Variants in PAG1 observed in about 807,000 individuals in gnomAD.
PAG1 encodes phosphoprotein membrane anchor with glycosphingolipid microdomains 1.
A neutral mutation model predicts 31.7 loss-of-function variants in PAG1; 23 were observed. That is an observed-to-expected ratio of 0.73 (90% CI 0.52 to 1.03). PAG1 has a LOEUF of 1.03. Ranked by LOEUF, PAG1 falls within the 50% of genes least tolerant of loss-of-function variation. The probability of loss-of-function intolerance (pLI) is 0.00; values close to 1 mark genes in which losing one functional copy is unlikely to be tolerated. For missense variants in PAG1, 473 were observed against 540.7 expected, an observed-to-expected ratio of 0.87 and a Z score of 1.24; for synonymous variants, 214 against 210.3, an observed-to-expected ratio of 1.02 and a Z score of -0.15.
chr8:81,071,265 G>A (rs777098121), intron 1 of PAG1, among the ~76,000 whole-genome samples: 14 of 152,076 alleles, frequency 9.2e-5, no homozygotes, highest in Non-Finnish European at 1.6e-4. Flanking sequence ...TCTAAGAGCC[G>A]CCTGAATATG....
intron 1 of PAG1, among the ~76,000 whole-genome samples, chr8:81,104,077 CCA>C (rs935749231): frequency 1.3e-5 from 2 of 148,236 alleles, no homozygotes; most frequent in Admixed American, 6.6e-5. Context: ...TTTCTTCCCC[CCA>C]TCCCCTTTCC....
chr8:80,971,848 A>G lies in PAG1; in HGVS notation c.*4696T>C, dbSNP rs1807084420. 2 of 152,248 alleles carry G rather than the reference A, an allele frequency of 1.3e-5. No individual in the cohort carries two copies. The highest frequency in any genetic ancestry group is 4.1e-4 in the South Asian group (2 of 4,836). 9.4% of individuals were successfully genotyped at this position (152,248 alleles called of 1,614,324 possible). On this transcript the variant is annotated 3_prime_UTR_variant, in exon 9 of 9. Coordinates refer to ENST00000220597, the MANE Select transcript of PAG1 (RefSeq NM_018440.4). ...AAAAATGAGCAGTAGGATAAAAAAAACCATGAATGTTTGTTCTCTTCTGGA... is the reference window on the plus strand; with the variant it reads ...AAAAATGAGCAGTAGGATAAAAAAAGCCATGAATGTTTGTTCTCTTCTGGA...
At chr8:81,047,651 A>G (rs1808663491) in intron 2 of PAG1, among the ~76,000 whole-genome samples, 1 of 152,204 alleles carries the variant, frequency 6.6e-6, no homozygotes, top group Admixed American at 6.5e-5. Flanking sequence ...ACAAACTTCA[A>G]TTTTAAAAAC....
intron 2 of PAG1, among the ~76,000 whole-genome samples, chr8:81,058,247 A>C (rs890376187): frequency 6.6e-6 from 1 of 152,194 alleles, no homozygotes; most frequent in African/African-American, 2.4e-5. Flanking sequence ...AGCAGTTTTG[A>C]ACAACAGCAG....
chr8:80,984,693 T>C, intron 7 of PAG1, 83 bp downstream of exon 7: 1 of 1,303,748 alleles, frequency 7.7e-7, no homozygotes, highest in South Asian at 1.4e-5. Flanking sequence ...TTTGCAGATA[T>C]TTCCCAGAAC....
chr8:81,063,783 C>G (rs992670404), intron 2 of PAG1, among the ~76,000 whole-genome samples: 3 of 152,144 alleles, frequency 2.0e-5, no homozygotes, highest in Non-Finnish European at 4.4e-5. Context: ...GGGGAACTTA[C>G]GGACAGGGGC....
chr8:81,102,631 A>T (rs1809627250), intron 1 of PAG1, among the ~76,000 whole-genome samples: 1 of 152,212 alleles, frequency 6.6e-6, no homozygotes, highest in African/African-American at 2.4e-5. Flanking sequence ...TGTACTTTTC[A>T]TGATTCTAAT....
intron 5 of PAG1, among the ~76,000 whole-genome samples, chr8:80,989,450 C>G (rs1181390916): frequency 3.3e-5 from 5 of 152,176 alleles, no homozygotes; most frequent in African/African-American, 1.2e-4. Context: ...GATCTAGGAG[C>G]TGAAAAGCTC....
intron 2 of PAG1, among the ~76,000 whole-genome samples, chr8:81,041,635 G>T (rs900551922): frequency 6.6e-6 from 1 of 152,132 alleles, no homozygotes; most frequent in African/African-American, 2.4e-5. Context: ...ATGACTTCTT[G>T]GTTATACTTC....
intron 1 of PAG1, among the ~76,000 whole-genome samples, chr8:81,105,195 A>T (rs1809674557): frequency 1.3e-5 from 2 of 152,132 alleles, no homozygotes; most frequent in African/African-American, 4.8e-5. Context: ...GCATCCTTTA[A>T]GCACTGGTTC....
intron 2 of PAG1, among the ~76,000 whole-genome samples, chr8:81,058,911 ATCT>A (rs1808872113): frequency 6.6e-6 from 1 of 152,134 alleles, no homozygotes; most frequent in South Asian, 2.1e-4. Context: ...AATAAAATGG[ATCT>A]TCTTAACTCA....
chr8:81,011,113 C>T lies in PAG1; in HGVS notation c.-80-17806G>A, dbSNP rs148612228. 6.5e-3 allele frequency among the ~76,000 whole-genome samples: 985 copies of T among 152,248 alleles called. 15 individuals carry two copies. Among genetic ancestry groups the T allele is most frequent in the African/African-American group, 0.023 (937 of 41,558 alleles). ...TATCTGAAAGCATATTATTTATTGG[C>T]CTTTGTGTTTATTGTTGTATGTACA... is the stretch of plus-strand genomic sequence containing the variant. On this transcript the variant is annotated intron_variant, in intron 3 of 8. Coordinates refer to ENST00000220597, the MANE Select transcript of PAG1 (RefSeq NM_018440.4).
intron 3 of PAG1, among the ~76,000 whole-genome samples, chr8:80,995,098 T>C (rs1807643775): frequency 6.6e-6 from 1 of 152,146 alleles, no homozygotes; most frequent in African/African-American, 2.4e-5. Context: ...GACCAAATCA[T>C]CTCCAGGTGA....
intron 3 of PAG1, among the ~76,000 whole-genome samples, chr8:81,000,519 G>T (rs1474183999): frequency 2.6e-5 from 4 of 152,024 alleles, no homozygotes; most frequent in African/African-American, 7.3e-5. Flanking sequence ...TTACTGAATC[G>T]ATTGTAAGGA....
At position 81,085,972 on chromosome 8, in the gene PAG1, GTTTTTTTTTTTTTTT is replaced by G. The variant is rs869177030; in HGVS notation, c.-233-15817_-233-15803del. Among the ~76,000 whole-genome samples the G allele has an allele frequency of 2.9e-4, 17 of 58,876 alleles. 1 individual carries two copies. Among genetic ancestry groups the G allele is most frequent in the African/African-American group, 1.0e-3 (14 of 13,758 alleles). The allele number at this position is 58,876 out of a possible 152,430, so 38.6% of individuals were successfully genotyped here. A position where few individuals can be genotyped will look rare whatever the true frequency, so the allele number is the denominator to read the frequency against. On this transcript the variant is annotated intron_variant, in intron 1 of 8. Transcript: ENST00000220597. ...AGTAGTTACGCTTTTAATCTGGCTT[GTTTTTTTTTTTTTTT>G]TTTTTTTTTTTTGAGACGGAGTCTC...
chr8:80,979,318 T>C (rs1486619614), intron 8 of PAG1, among the ~76,000 whole-genome samples: 1 of 152,170 alleles, frequency 6.6e-6, no homozygotes, highest in Admixed American at 6.5e-5. Flanking sequence ...GCCAAGGAGC[T>C]GCCAGGGATC....
At chr8:81,005,416 A>T (rs1349168285) in intron 3 of PAG1, among the ~76,000 whole-genome samples, 1 of 152,244 alleles carries the variant, frequency 6.6e-6, no homozygotes, top group African/African-American at 2.4e-5. Flanking sequence ...AGTACAACAG[A>T]ATAGTAACAC....
chr8:80,989,442 T>G (rs1807492654), intron 5 of PAG1, among the ~76,000 whole-genome samples: 1 of 152,146 alleles, frequency 6.6e-6, no homozygotes, highest in African/African-American at 2.4e-5. Context: ...TTGTATAAGA[T>G]CTAGGAGCTG....
rs1807090459 is a variant in PAG1, at chr8:80,972,142, AC to A, written c.*4401del. The A allele has an allele frequency of 6.6e-6, 1 of 152,216 alleles. No homozygotes were observed. The highest frequency in any genetic ancestry group is 1.5e-5 in the Non-Finnish European group (1 of 68,034). The allele number at this position is 152,216 out of a possible 1,614,324, so 9.4% of individuals were successfully genotyped here. A position where few individuals can be genotyped will look rare whatever the true frequency, so the allele number is the denominator to read the frequency against. ...ATTTTCACATCAGTCATTTATTAAC[AC>A]CAAACATTATACTTTAACTTTTCCC... On this transcript the variant is annotated 3_prime_UTR_variant, in exon 9 of 9. Coordinates refer to ENST00000220597, the MANE Select transcript of PAG1 (RefSeq NM_018440.4).
Sources: gnomAD v4.1 joint callset for allele counts (sites outside exome capture counted in the v4.1 genomes callset) on GRCh38, gnomAD v4.1.1 for gene constraint, MANE v1.5 for transcripts, NCBI Gene and HGNC (gene_info 2026-07-23, HGNC 2026-07-21) for gene names.